The following AARS1 variants were observed in gnomAD, a reference collection of about 807,000 sequenced individuals.
The protein encoded by AARS1 is alanyl-tRNA synthetase 1, also known as alanine--tRNA ligase, cytoplasmic.
A neutral mutation model predicts 108.9 loss-of-function variants in AARS1; 72 were observed. The observed-to-expected ratio is 0.66, with a 90% CI of 0.55 to 0.80. The LOEUF (loss-of-function observed/expected upper bound fraction) is 0.80, where lower values mean the gene tolerates loss of function less well. Ranked by LOEUF, AARS1 falls within the 30% of genes least tolerant of loss-of-function variation. The pLI, the probability that AARS1 is intolerant of heterozygous loss-of-function variation, is 0.00. For missense variants in AARS1, 1,193 were observed against 1,233.2 expected (o/e 0.97, Z 0.49); for synonymous variants, 489 against 465.7 (o/e 1.05, Z -0.64).
chr16:70,289,296 A>G (rs1960971029), intron 1 of AARS1, 125 bp downstream of exon 1: 1 of 346,830 alleles, frequency 2.9e-6, no homozygotes, highest in Non-Finnish European at 5.7e-6. Flanking sequence ...GCTCCAGCCC[A>G]GACTGGGCTT....
intron 1 of AARS1, among the ~76,000 whole-genome samples, chr16:70,284,495 G>A (rs1200343916): frequency 4.8e-5 from 7 of 147,316 alleles, no homozygotes; most frequent in East Asian, 2.0e-4. Flanking sequence ...CCAGTTACTC[G>A]GAAAGCTGAG....
chr16:70,283,342 A>T (rs763988329), intron 1 of AARS1, among the ~76,000 whole-genome samples: 1 of 151,952 alleles, frequency 6.6e-6, no homozygotes, highest in African/African-American at 2.4e-5. Flanking sequence ...GGTTGCAGTG[A>T]GCCAAGACCA....
At chr16:70,267,909 T>C in intron 8 of AARS1, 100 bp from the exon 9 acceptor site, 2 of 1,536,626 alleles carry the variant, frequency 1.3e-6, no homozygotes, top group South Asian at 1.1e-5. Flanking sequence ...GGCTCACGCC[T>C]GTAATCCTAC....
At chr16:70,255,053 A>C (rs1450573460) in intron 16 of AARS1, among the ~76,000 whole-genome samples, 1 of 151,902 alleles carries the variant, frequency 6.6e-6, no homozygotes. Flanking sequence ...ATGAAAGAGC[A>C]CCCATCCTCT....
At position 70,271,990 on chromosome 16, in the gene AARS1, A is replaced by ATT. The variant is rs1360634368; in HGVS notation, c.480-19_480-18insAA. On this transcript the variant is annotated intron_variant, in intron 4 of 20. Coordinates refer to ENST00000261772, the MANE Select transcript of AARS1 (RefSeq NM_001605.3). ...CATCCAGCCTGACAAAGGAGTAAAG[A>ATT]TAAGTCCAGTTACAGCCCCTGACAA... The ATT allele has an allele frequency of 6.2e-7, 1 of 1,611,824 alleles. No individual in the cohort carries two copies. Among genetic ancestry groups the ATT allele is most frequent in the African/African-American group, 1.3e-5 (1 of 74,822 alleles).
chr16:70,272,058 G>A, intron 4 of AARS1, 86 bp from the exon 5 acceptor site: 1 of 1,288,988 alleles, frequency 7.8e-7, no homozygotes, highest in Non-Finnish European at 1.1e-6. Context: ...GAAATTCTTA[G>A]GATTGGCCGG....
intron 2 of AARS1, among the ~76,000 whole-genome samples, chr16:70,281,434 G>C (rs1373396011): frequency 6.6e-6 from 1 of 152,186 alleles, no homozygotes; most frequent in East Asian, 1.9e-4. Context: ...GGGAGGCTGA[G>C]GTGGGTGGAT....
At chr16:70,276,448 ACTCCT>A in intron 4 of AARS1, 33 bp downstream of exon 4, 1 of 1,611,246 alleles carries the variant, frequency 6.2e-7, no homozygotes, top group South Asian at 1.1e-5. Context: ...GTGTCATTTC[ACTCCT>A]CCATACTCTC....
At chr16:70,261,804 G>C (rs2152156216) in intron 12 of AARS1, among the ~76,000 whole-genome samples, 1 of 151,546 alleles carries the variant, frequency 6.6e-6, no homozygotes, top group Non-Finnish European at 1.5e-5. Flanking sequence ...CGAGCAGGTG[G>C]GATTACAGGC....
At chr16:70,272,877 T>C (rs1256958092) in intron 4 of AARS1, among the ~76,000 whole-genome samples, 1 of 101,386 alleles carries the variant, frequency 9.9e-6, no homozygotes, top group Non-Finnish European at 1.8e-5. Context: ...GCCACTGCAC[T>C]CCAGCCTGGG....
intron 14 of AARS1, 93 bp from the exon 15 acceptor site, chr16:70,258,310 G>A (rs1198183267): frequency 5.6e-6 from 8 of 1,429,514 alleles, no homozygotes; most frequent in East Asian, 5.0e-5. Flanking sequence ...GGCAGGACTC[G>A]GGTTCCAACC....
intron 4 of AARS1, among the ~76,000 whole-genome samples, chr16:70,274,002 G>A (rs1960476645): frequency 1.3e-5 from 2 of 151,554 alleles, no homozygotes; most frequent in African/African-American, 2.4e-5. Flanking sequence ...TCCAGCCTGG[G>A]TGAGAGTGAG....
intron 2 of AARS1, among the ~76,000 whole-genome samples, chr16:70,282,179 A>G (rs1445923557): frequency 6.6e-6 from 1 of 151,224 alleles, no homozygotes. Flanking sequence ...ATACAAAAAA[A>G]TTTGCCAGGC....
At chr16:70,272,527 A>C (rs1293499968) in intron 4 of AARS1, among the ~76,000 whole-genome samples, 1 of 149,522 alleles carries the variant, frequency 6.7e-6, no homozygotes, top group African/African-American at 2.4e-5. Context: ...AAAAAAAAAA[A>C]AAAAAAAAAC....
At chr16:70,281,597 CAG>C (rs978797873) in intron 2 of AARS1, among the ~76,000 whole-genome samples, 1 of 152,174 alleles carries the variant, frequency 6.6e-6, no homozygotes, top group Non-Finnish European at 1.5e-5. Context: ...ACTCGGGAGG[CAG>C]AGATTGCAGT....
chr16:70,277,148 G>C lies in AARS1; in HGVS notation c.151C>G (p.Pro51Ala). The C allele has an allele frequency of 6.2e-7, 1 of 1,614,104 alleles. No individual in the cohort carries two copies. Among genetic ancestry groups the C allele is most frequent in the Non-Finnish European group, 8.5e-7 (1 of 1,180,006 alleles). The change falls in exon 3 of 21, where the codon CCC becomes GCC. Residue 51 changes from proline to alanine, a missense_variant. Coordinates refer to ENST00000261772, the MANE Select transcript of AARS1 (RefSeq NM_001605.3). ...GGGTCAATTGTGTTCAGGAAAATGG[G>C]TTTAAACTAAAAGAGAAGGACAGCA... ...FANAGMNQFK[P>A]IFLNTIDPSH...
rs777776042 is a variant in AARS1, at chr16:70,254,733, G to A, written c.2288C>T (p.Ala763Val). Residue 763 changes from alanine (A) to valine (V), a missense_variant and splice_region_variant, in exon 17 of 21, where the codon GCC becomes GTC. By Grantham distance (64) the Ala-to-Val change is moderately conservative. Transcript: ENST00000261772. ...VAVTGAEAQK[A>V]LRKAESLKKC... The stretch of plus-strand genomic sequence containing the variant: ...CTTCAAGCTCTCTGCTTTCCTGAGG[G>A]CCTGGGAGGGGACACCGGGTCAACC... The A allele has an allele frequency of 1.5e-5, 24 of 1,605,246 alleles. No individual in the cohort carries two copies. Among genetic ancestry groups the A allele is most frequent in the Non-Finnish European group, 1.9e-5 (22 of 1,172,212 alleles).
intron 18 of AARS1, 29 bp from the exon 19 acceptor site, chr16:70,253,829 T>A: frequency 6.2e-7 from 1 of 1,614,176 alleles, no homozygotes; most frequent in Non-Finnish European, 8.5e-7. Flanking sequence ...GAACAGCAGC[T>A]CAGACCAAAA....
intron 13 of AARS1, 136 bp downstream of exon 13, chr16:70,260,908 C>T (rs1217361659): frequency 9.2e-6 from 6 of 653,096 alleles, no homozygotes; most frequent in East Asian, 6.5e-5. Context: ...ATGATCCACC[C>T]GCCTCGGCCT....
Sources: allele counts gnomAD v4.1 joint callset (sites outside exome capture counted in the v4.1 genomes callset), GRCh38; gene constraint gnomAD v4.1.1; transcripts MANE v1.5; gene names NCBI Gene and HGNC (gene_info 2026-07-23, HGNC 2026-07-21).